Variants in SYT1 observed in about 807,000 individuals in gnomAD.
The protein encoded by SYT1 is synaptotagmin 1.
A neutral mutation model predicts 44.8 loss-of-function variants in SYT1; 8 were observed. The observed-to-expected ratio is 0.18, with a 90% CI of 0.10 to 0.32. The LOEUF (loss-of-function observed/expected upper bound fraction) is 0.32, where lower values mean the gene tolerates loss of function less well. Among genes scored for constraint, SYT1 ranks in the 10% least tolerant of loss-of-function variants. The pLI, the probability that SYT1 is intolerant of heterozygous loss-of-function variation, is 1.00. For missense variants in SYT1, 286 were observed against 509.3 expected (o/e 0.56, Z 4.22); for synonymous variants, 154 against 188.8 (o/e 0.82, Z 1.51).
At chr12:79,054,823 G>C (rs761856944) in intron 3 of SYT1, among the ~76,000 whole-genome samples, 7 of 151,866 alleles carry the variant, frequency 4.6e-5, no homozygotes, top group Non-Finnish European at 8.8e-5. Flanking sequence ...CTACTCGTCT[G>C]TTTAACCATG....
At chr12:79,126,035 T>C (rs1331045214) in intron 3 of SYT1, among the ~76,000 whole-genome samples, 2 of 152,230 alleles carry the variant, frequency 1.3e-5, no homozygotes, top group Non-Finnish European at 2.9e-5. Flanking sequence ...CTACTGTATG[T>C]CATGGCAGAA....
intron 1 of SYT1, among the ~76,000 whole-genome samples, chr12:78,931,179 A>AAGAAAAAGAAAGAAAGAAAG (rs1555181905): frequency 1.7e-5 from 1 of 59,868 alleles, no homozygotes; most frequent in African/African-American, 7.7e-5. Flanking sequence ...GAAAGAAAGA[A>AAGAAAAAGAAAGAAAGAAAG]AAAGAAAGAA....
chr12:78,927,606 A>C (rs1592569307), intron 1 of SYT1, among the ~76,000 whole-genome samples: 1 of 152,256 alleles, frequency 6.6e-6, no homozygotes, highest in Admixed American at 6.5e-5. Context: ...TGTTGGTCTA[A>C]ATGAAGAGGA....
At chr12:79,043,492 C>T (rs944903393) in intron 2 of SYT1, among the ~76,000 whole-genome samples, 2 of 149,942 alleles carry the variant, frequency 1.3e-5, no homozygotes, top group African/African-American at 2.5e-5. Flanking sequence ...GATCTTCCTC[C>T]ATCCTTTTAT....
intron 9 of SYT1, among the ~76,000 whole-genome samples, chr12:79,427,452 G>C (rs1222172596): frequency 6.6e-6 from 1 of 152,202 alleles, no homozygotes; most frequent in Non-Finnish European, 1.5e-5. Context: ...AGGACCCACT[G>C]TGTGCCATCA....
chr12:78,952,952 C>G (rs1879040150), intron 1 of SYT1, among the ~76,000 whole-genome samples: 2 of 152,048 alleles, frequency 1.3e-5, no homozygotes, highest in South Asian at 4.1e-4. Flanking sequence ...AAAAATTGAC[C>G]TTTAATGAGA....
chr12:79,307,642 G>A (rs1291598652), intron 8 of SYT1, among the ~76,000 whole-genome samples: 2 of 151,496 alleles, frequency 1.3e-5, no homozygotes, highest in African/African-American at 4.8e-5. Flanking sequence ...GGGCGTGGGG[G>A]GGGGCGGCAG....
At chr12:79,350,055 C>T (rs1434364181) in intron 8 of SYT1, among the ~76,000 whole-genome samples, 1 of 151,976 alleles carries the variant, frequency 6.6e-6, no homozygotes, top group African/African-American at 2.4e-5. Flanking sequence ...TCCAAAAATT[C>T]GTACTGGCAT....
At chr12:79,157,531 A>G (rs1284332988) in intron 3 of SYT1, among the ~76,000 whole-genome samples, 1 of 152,160 alleles carries the variant, frequency 6.6e-6, no homozygotes, top group East Asian at 1.9e-4. Context: ...AAAATAATGT[A>G]CTCATTTGAC....
chr12:79,054,945 A>G (rs1379614218), intron 3 of SYT1, among the ~76,000 whole-genome samples: 3 of 151,952 alleles, frequency 2.0e-5, no homozygotes, highest in African/African-American at 7.2e-5. Context: ...ATAAATCTAA[A>G]CCATATTTCA....
At chr12:78,974,458 A>G (rs1339342249) in intron 1 of SYT1, among the ~76,000 whole-genome samples, 1 of 152,004 alleles carries the variant, frequency 6.6e-6, no homozygotes, top group Non-Finnish European at 1.5e-5. Context: ...TTATTTTGTG[A>G]TGGAGTCTTG....
intron 3 of SYT1, among the ~76,000 whole-genome samples, chr12:79,166,022 C>A (rs981041074): frequency 5.9e-5 from 9 of 151,878 alleles, no homozygotes; most frequent in Non-Finnish European, 1.2e-4. Flanking sequence ...ATGGAAAAGG[C>A]AAACCAAAGA....
intron 1 of SYT1, among the ~76,000 whole-genome samples, chr12:78,972,570 C>A (rs1458618440): frequency 6.6e-6 from 1 of 151,222 alleles, no homozygotes; most frequent in Non-Finnish European, 1.5e-5. Flanking sequence ...AGGCACATTT[C>A]TCTAAATTAT....
intron 8 of SYT1, among the ~76,000 whole-genome samples, chr12:79,314,578 G>C (rs182504354): frequency 6.6e-6 from 1 of 152,140 alleles, no homozygotes; most frequent in Admixed American, 6.5e-5. Flanking sequence ...AGCAAGTGTT[G>C]GCAAAGATGT....
At chr12:79,021,455 TATAG>T (rs1445120879) in intron 2 of SYT1, among the ~76,000 whole-genome samples, 1 of 151,904 alleles carries the variant, frequency 6.6e-6, no homozygotes, top group Non-Finnish European at 1.5e-5. Flanking sequence ...ATTGTGCATA[TATAG>T]ATAGTGAGGA....
chr12:79,426,814 C>T (rs1237649347), intron 9 of SYT1, among the ~76,000 whole-genome samples: 1 of 152,150 alleles, frequency 6.6e-6, no homozygotes, highest in Admixed American at 6.5e-5. Context: ...TCTTGAATTC[C>T]AGTCCCCATA....
At chr12:79,130,584 A>C (rs1290541859) in intron 3 of SYT1, among the ~76,000 whole-genome samples, 1 of 152,202 alleles carries the variant, frequency 6.6e-6, no homozygotes. Flanking sequence ...ATTTGTTTGC[A>C]TCTTTTGTAA....
At chr12:79,235,843 C>T (rs1461822542) in intron 4 of SYT1, among the ~76,000 whole-genome samples, 1 of 152,002 alleles carries the variant, frequency 6.6e-6, no homozygotes, top group Non-Finnish European at 1.5e-5. Flanking sequence ...TTTTAAAGCT[C>T]TCTTCTAGAT....
intron 1 of SYT1, among the ~76,000 whole-genome samples, chr12:78,929,522 T>A (rs959189841): frequency 1.3e-5 from 2 of 150,924 alleles, no homozygotes; most frequent in Admixed American, 1.3e-4. Context: ...ACTTCACAAT[T>A]TATGTAGTGT....
Sources: gnomAD v4.1 joint callset for allele counts (sites outside exome capture counted in the v4.1 genomes callset) on GRCh38, gnomAD v4.1.1 for gene constraint, MANE v1.5 for transcripts, NCBI Gene and HGNC (gene_info 2026-07-23, HGNC 2026-07-21) for gene names.